The following CYP3A43 variants were observed in gnomAD, a reference collection of about 807,000 sequenced individuals.
CYP3A43 encodes cytochrome P450 family 3 subfamily A member 43.
In CYP3A43, 45 loss-of-function variants were observed where a neutral mutation model predicts 58.0. The ratio of observed to expected loss-of-function variants is 0.78; its 90% CI spans 0.61 to 0.99. The LOEUF is 0.99. CYP3A43 is among the 50% of genes least tolerant of loss of function. The probability of loss-of-function intolerance (pLI) is 0.00; values close to 1 mark genes in which losing one functional copy is unlikely to be tolerated. For missense variants in CYP3A43, 593 were observed against 591.9 expected (o/e 1.00, Z -0.02); for synonymous variants, 191 against 201.4 (o/e 0.95, Z 0.44).
At chr7:99,847,349 C>A in intron 4 of CYP3A43, 139 bp from the exon 5 acceptor site, 5 of 724,242 alleles carry the variant, frequency 6.9e-6, no homozygotes, top group Non-Finnish European at 1.1e-5. Context: ...CTTTATTGAG[C>A]ATCTAGTATA....
rs1817671438 is a variant in CYP3A43 at position 99,849,652 on chromosome 7, C to A, written c.628C>A (p.Leu210Ile). 3 of 1,610,028 alleles carry A rather than the reference C, an allele frequency of 1.9e-6. No homozygotes were observed. Among genetic ancestry groups the A allele is most frequent in the African/African-American group, 2.7e-5 (2 of 74,328 alleles). ...QDPFLKNMKK[L>I]LKLDFLDPFL... ...TCCCTTTCTGAAAAATATGAAGAAG[C>A]TTTTAAAATTGGATTTTTTGGATCC... is the stretch of plus-strand genomic sequence containing the variant. The change falls in exon 7 of 13, where the codon CTT becomes ATT. Residue 210 changes from leucine (L) to isoleucine (I), a missense_variant. By Grantham distance (5) the Leu-to-Ile change is conservative. Coordinates refer to ENST00000354829, the MANE Select transcript of CYP3A43 (RefSeq NM_057095.3).
intron 3 of CYP3A43, among the ~76,000 whole-genome samples, chr7:99,842,604 G>GA (rs4646471): frequency 6.6e-5 from 10 of 150,944 alleles, no homozygotes; most frequent in Non-Finnish European, 1.2e-4. Flanking sequence ...GGTCCTTTAT[G>GA]AAAAAAAAAG....
intron 7 of CYP3A43, among the ~76,000 whole-genome samples, chr7:99,852,726 G>A (rs141007722): frequency 4.5e-4 from 68 of 152,256 alleles, no homozygotes; most frequent in African/African-American, 1.6e-3. Context: ...TCTCATTCAT[G>A]ATCTTAGGGG....
intron 1 of CYP3A43, among the ~76,000 whole-genome samples, chr7:99,833,527 G>T (rs1429316848): frequency 6.6e-6 from 1 of 152,212 alleles, no homozygotes; most frequent in Non-Finnish European, 1.5e-5. Flanking sequence ...GAGAGATAAG[G>T]CTCACTAGCC....
rs1818161946 is a variant in CYP3A43, at chr7:99,859,960, G to C, written c.996G>C (p.Gln332His). The change falls in exon 10 of 13, where the codon CAG (glutamine) becomes CAC (histidine). Residue 332 changes from glutamine to histidine, a missense_variant. Transcript: ENST00000354829. ...ACCCTGATGTCCAGCAGAAACTGCA[G>C]GAGGAGATTGACGCAGTTTTACCCA... ...ATHPDVQQKL[Q>H]EEIDAVLPNK... The C allele has an allele frequency of 6.2e-7, 1 of 1,611,228 alleles. No homozygotes were observed. The highest frequency in any genetic ancestry group is 1.3e-5 in the African/African-American group (1 of 74,812).
At chr7:99,837,991 T>C (rs1403339099) in intron 2 of CYP3A43, among the ~76,000 whole-genome samples, 1 of 152,240 alleles carries the variant, frequency 6.6e-6, no homozygotes, top group Non-Finnish European at 1.5e-5. Context: ...TTCATCCTTT[T>C]TTACCCCCCG....
intron 6 of CYP3A43, 54 bp downstream of exon 6, chr7:99,848,308 G>T: frequency 6.5e-7 from 1 of 1,548,420 alleles, no homozygotes; most frequent in South Asian, 1.1e-5. Context: ...CCAGCTGCCT[G>T]CAGTGGAGCT....
Position 99,847,598 on chromosome 7 carries a change from G to A in CYP3A43, c.429G>A (p.Lys143=), listed in dbSNP as rs373256715. 45 of 1,613,486 alleles carry A rather than the reference G, an allele frequency of 2.8e-5. No homozygotes were observed. The highest frequency in any genetic ancestry group is 3.7e-5 in the Non-Finnish European group (44 of 1,179,762). ...CAGCTTTCACCAGTGTAAAATTCAA[G>A]GAAGTAAGAAAATAAGGTGATTTAT... ...LSPAFTSVKF[K]EMVPIISQCG... is the part of the protein sequence containing the mutation. The change falls in exon 5 of 13, where the codon AAG becomes AAA. Residue 143 remains lysine, a synonymous_variant. Transcript: ENST00000354829.
At chr7:99,845,602 G>A (rs1167131560) in intron 4 of CYP3A43, among the ~76,000 whole-genome samples, 1 of 151,088 alleles carries the variant, frequency 6.6e-6, no homozygotes, top group African/African-American at 2.4e-5. Context: ...GATTACAGAC[G>A]TGAGCCACCA....
At chr7:99,859,160 A>T (rs1818117469) in intron 9 of CYP3A43, among the ~76,000 whole-genome samples, 1 of 152,188 alleles carries the variant, frequency 6.6e-6, no homozygotes, top group South Asian at 2.1e-4. Flanking sequence ...TTCTCAAGCC[A>T]TGCTGGGCTC....
At chr7:99,853,455 CCTT>C (rs1817838164) in intron 7 of CYP3A43, among the ~76,000 whole-genome samples, 1 of 141,442 alleles carries the variant, frequency 7.1e-6, no homozygotes, top group African/African-American at 3.1e-5. Flanking sequence ...TAATTATTTC[CCTT>C]CTTTTATTTC....
chr7:99,832,581 C>A (rs1315877445), intron 1 of CYP3A43, among the ~76,000 whole-genome samples: 1 of 150,672 alleles, frequency 6.6e-6, no homozygotes, highest in Non-Finnish European at 1.5e-5. Context: ...AGGAGATATA[C>A]CTAATGCTAA....
At chr7:99,843,025 G>T (rs372078052) in intron 3 of CYP3A43, among the ~76,000 whole-genome samples, 3 of 152,196 alleles carry the variant, frequency 2.0e-5, no homozygotes, top group African/African-American at 7.2e-5. Flanking sequence ...AGTTGAATGC[G>T]TAATCGACTT....
At chr7:99,835,284 G>C (rs971636678) in intron 1 of CYP3A43, among the ~76,000 whole-genome samples, 2 of 152,202 alleles carry the variant, frequency 1.3e-5, no homozygotes, top group African/African-American at 4.8e-5. Context: ...CTGAATATAG[G>C]TGTTGGTGTT....
rs368393851 is a variant in CYP3A43, at chr7:99,844,155, G to T, written c.231G>T (p.Gly77=). The T allele has an allele frequency of 4.7e-5, 76 of 1,613,546 alleles. No individual in the cohort carries two copies. The highest frequency in any genetic ancestry group is 6.4e-5 in the Non-Finnish European group (76 of 1,179,822). ...TTCCCCCACACAGGCTGTATGAGGG[G>T]CAACAGCCCATGCTGGTCATCATGG... ...KYGEMWGLYE[G]QQPMLVIMDP... The change falls in exon 4 of 13, where the codon GGG becomes GGT. Residue 77 remains glycine, a synonymous_variant. Transcript: ENST00000354829.
At chr7:99,858,299 C>T (rs1818074991) in intron 9 of CYP3A43, among the ~76,000 whole-genome samples, 1 of 152,150 alleles carries the variant, frequency 6.6e-6, no homozygotes, top group Non-Finnish European at 1.5e-5. Flanking sequence ...TAAATCACAA[C>T]TCTGTAGACC....
chr7:99,849,855 A>G, intron 7 of CYP3A43, 161 bp downstream of exon 7: 1 of 775,532 alleles, frequency 1.3e-6, no homozygotes, highest in Non-Finnish European at 2.0e-6. Flanking sequence ...AACCAACATC[A>G]TTGTTAACTT....
At chr7:99,853,853 G>A (rs1336621406) in intron 7 of CYP3A43, among the ~76,000 whole-genome samples, 1 of 148,424 alleles carries the variant, frequency 6.7e-6, no homozygotes, top group Non-Finnish European at 1.5e-5. Context: ...ACCGCGCCCA[G>A]CCTTGAGCTT....
chr7:99,832,000 A>C (rs1816860143), intron 1 of CYP3A43, among the ~76,000 whole-genome samples: 1 of 152,194 alleles, frequency 6.6e-6, no homozygotes, highest in South Asian at 2.1e-4. Flanking sequence ...CATTTCTATG[A>C]AGCCAGTGGA....
Sources: gnomAD v4.1 joint callset for allele counts (sites outside exome capture counted in the v4.1 genomes callset) on GRCh38, gnomAD v4.1.1 for gene constraint, MANE v1.5 for transcripts, NCBI Gene and HGNC (gene_info 2026-07-23, HGNC 2026-07-21) for gene names.